The following SAXO1 variants were observed in gnomAD, a reference collection of about 807,000 sequenced individuals.
SAXO1 encodes the protein 4930500O09Rik.
SAXO1 carries 21 observed loss-of-function variants against 17.5 expected under a neutral mutation model. The observed-to-expected ratio is 1.20, with a 90% CI of 0.85 to 1.72. The LOEUF is 1.72. SAXO1 is among the 40% of genes most tolerant of loss of function. The probability of loss-of-function intolerance (pLI) is 0.00; values close to 1 mark genes in which losing one functional copy is unlikely to be tolerated. For synonymous variants in SAXO1, 274 were observed against 216.5 expected (o/e 1.27, Z -2.33); for missense variants, 843 against 596.0 (o/e 1.41, Z -4.32).
At chr9:18,940,128 G>A (rs1340522204) in intron 3 of SAXO1, among the ~76,000 whole-genome samples, 1 of 152,226 alleles carries the variant, frequency 6.6e-6, no homozygotes, top group African/African-American at 2.4e-5. Context: ...CACAGGAGCG[G>A]CTGGTGGTAA....
chr9:19,020,499 G>A (rs1048453098), intron 1 of SAXO1, among the ~76,000 whole-genome samples: 3 of 151,944 alleles, frequency 2.0e-5, no homozygotes, highest in Non-Finnish European at 2.9e-5. Flanking sequence ...CTACAGGCAC[G>A]CACCACCATA....
chr9:19,008,920 C>T (rs1054059188), intron 1 of SAXO1, among the ~76,000 whole-genome samples: 1 of 152,248 alleles, frequency 6.6e-6, no homozygotes, highest in Admixed American at 6.5e-5. Flanking sequence ...AAGCTGATCA[C>T]AGCACCGGAA....
intron 3 of SAXO1, among the ~76,000 whole-genome samples, chr9:18,939,245 G>T (rs1258315977): frequency 6.6e-6 from 1 of 152,168 alleles, no homozygotes; most frequent in Non-Finnish European, 1.5e-5. Context: ...TGGTCTTCTT[G>T]TAAACACTGG....
chr9:19,023,475 A>T (rs1311816211), intron 1 of SAXO1, among the ~76,000 whole-genome samples: 5 of 152,194 alleles, frequency 3.3e-5, no homozygotes, highest in African/African-American at 4.8e-5. Context: ...TGAGGTACAC[A>T]GAAATAGAAA....
chr9:19,018,476 T>C (rs1479895282), intron 1 of SAXO1, among the ~76,000 whole-genome samples: 1 of 152,164 alleles, frequency 6.6e-6, no homozygotes, highest in Non-Finnish European at 1.5e-5. Flanking sequence ...AAGAGAAACA[T>C]GGGTCATTCC....
At chr9:18,933,906 CGTA>C in intron 3 of SAXO1, among the ~76,000 whole-genome samples, 1 of 152,164 alleles carries the variant, frequency 6.6e-6, no homozygotes, top group East Asian at 1.9e-4. Context: ...ATTAGCCAGG[CGTA>C]GTGGCGGGCG....
intron 1 of SAXO1, among the ~76,000 whole-genome samples, chr9:18,961,393 G>A (rs1208213575): frequency 1.3e-5 from 2 of 152,064 alleles, no homozygotes; most frequent in African/African-American, 2.4e-5. Context: ...GAACGTGCAG[G>A]TTTGTTACAT....
intron 2 of SAXO1, among the ~76,000 whole-genome samples, chr9:18,943,631 C>A (rs1010607354): frequency 6.6e-6 from 1 of 152,236 alleles, no homozygotes; most frequent in Admixed American, 6.5e-5. Flanking sequence ...TCTCCTCACT[C>A]TCAGAAGGGA....
chr9:18,987,156 A>G (rs999968969), intron 1 of SAXO1, among the ~76,000 whole-genome samples: 5 of 152,216 alleles, frequency 3.3e-5, no homozygotes, highest in Non-Finnish European at 7.3e-5. Flanking sequence ...GTGATTAACA[A>G]GGATGTTACT....
chr9:19,038,959 G>C (rs1836010974), intron 1 of SAXO1, among the ~76,000 whole-genome samples: 1 of 151,556 alleles, frequency 6.6e-6, no homozygotes, highest in Non-Finnish European at 1.5e-5. Flanking sequence ...AAAATTTTTT[G>C]TAAAATTAAT....
chr9:18,963,861 T>C (rs1348169801), intron 1 of SAXO1, among the ~76,000 whole-genome samples: 1 of 152,222 alleles, frequency 6.6e-6, no homozygotes, highest in East Asian at 1.9e-4. Flanking sequence ...GGCATCCTTG[T>C]CTTGTGCTGG....
At chr9:19,027,523 G>A (rs1477147785) in intron 1 of SAXO1, 1 of 945,682 alleles carries the variant, frequency 1.1e-6, no homozygotes, top group Non-Finnish European at 1.7e-6. Context: ...GGCCCCCAGG[G>A]ACGGAGAAGA....
intron 1 of SAXO1, among the ~76,000 whole-genome samples, chr9:19,014,482 A>G (rs1457141273): frequency 2.0e-5 from 3 of 149,832 alleles, no homozygotes; most frequent in African/African-American, 7.3e-5. Context: ...AAAAAAGTTA[A>G]TTAATTAAAT....
At chr9:18,983,971 T>C (rs564828045) in intron 1 of SAXO1, among the ~76,000 whole-genome samples, 47 of 152,310 alleles carry the variant, frequency 3.1e-4, no homozygotes, top group African/African-American at 1.1e-3. Context: ...GACTTGAAAA[T>C]TGAAATTACT....
intron 1 of SAXO1, among the ~76,000 whole-genome samples, chr9:18,976,942 C>G (rs1441555712): frequency 2.0e-5 from 3 of 152,228 alleles, no homozygotes; most frequent in African/African-American, 4.8e-5. Context: ...AAATGTGAAG[C>G]ACTTAGCACA....
intron 1 of SAXO1, among the ~76,000 whole-genome samples, chr9:19,010,030 T>C (rs1019036013): frequency 1.3e-5 from 2 of 152,114 alleles, no homozygotes; most frequent in Non-Finnish European, 2.9e-5. Flanking sequence ...GGTTTCGCCA[T>C]GTTGCTCAGG....
At position 19,033,149 on chromosome 9, in the gene SAXO1, A is replaced by C; in HGVS notation, c.-241T>G. 2.2e-6 allele frequency: 1 copy of C among 449,598 alleles called. No individual in the cohort carries two copies. Among genetic ancestry groups the C allele is most frequent in the Non-Finnish European group, 3.9e-6 (1 of 254,206 alleles). 27.9% of individuals were successfully genotyped at this position (449,598 alleles called of 1,614,324 possible). A position where few individuals can be genotyped will look rare whatever the true frequency, so the allele number is the denominator to read the frequency against. ...CACGCGCGCCAGCCCGGGAGACCTCACCCTGCACGCCACCGCCCCGGCCTC... is the reference window on the plus strand; with the variant it reads ...CACGCGCGCCAGCCCGGGAGACCTCCCCCTGCACGCCACCGCCCCGGCCTC... On this transcript the variant is annotated 5_prime_UTR_variant, in exon 1 of 4. Transcript: ENST00000380534.
rs753026640 is a variant in SAXO1, at chr9:18,928,246, T to C, written c.1231A>G (p.Ser411Gly). 5 of 1,613,770 alleles carry C rather than the reference T, an allele frequency of 3.1e-6. No homozygotes were observed. The East Asian group carries it at 8.9e-5, about 29-fold the overall frequency. Residue 411 changes from serine to glycine, a missense_variant, in exon 4 of 4, where the codon AGC becomes GGC. Coordinates refer to ENST00000380534, the MANE Select transcript of SAXO1 (RefSeq NM_153707.4). ...PVESQTTYTI[S>G]FTPKEMGRCL... ...CTGCCCATTTCCTTGGGAGTAAAGC[T>C]GATGGTGTAGGTGGTCTGGCTTTCC...
chr9:18,932,491 A>G (rs1215803423), intron 3 of SAXO1, among the ~76,000 whole-genome samples: 1 of 152,214 alleles, frequency 6.6e-6, no homozygotes, highest in Non-Finnish European at 1.5e-5. Context: ...TTATTTTTCA[A>G]AAATACTTTC....
Sources: allele counts gnomAD v4.1 joint callset (sites outside exome capture counted in the v4.1 genomes callset), GRCh38; gene constraint gnomAD v4.1.1; transcripts MANE v1.5; gene names NCBI Gene and HGNC (gene_info 2026-07-23, HGNC 2026-07-21).